ADAT3: variants seen among roughly 807,000 people sequenced by gnomAD.
The protein encoded by ADAT3 is tRNA-specific adenosine-34 deaminase regulatory subunit ADAT3.
A neutral mutation model predicts 3.5 loss-of-function variants in ADAT3; 2 were observed. The ratio of observed to expected loss-of-function variants is 0.57; its 90% CI spans 0.23 to 1.79. The LOEUF is 1.79. Among genes scored for constraint, ADAT3 ranks in the 40% most tolerant of loss-of-function variants. ADAT3 has a pLI of 0.18. For synonymous variants in ADAT3, 358 were observed against 270.3 expected (o/e 1.32, Z -3.18); for missense variants, 735 against 571.4 (o/e 1.29, Z -2.92).
intron 1 of ADAT3, chr19:1,906,219 G>C (rs1384127159): frequency 1.3e-5 from 2 of 152,162 alleles, no homozygotes; most frequent in Non-Finnish European, 2.9e-5. Context: ...AATTAGCTGG[G>C]CGTGGTGTCA....
intron 1 of ADAT3, chr19:1,907,043 C>G (rs1382394916): frequency 6.6e-6 from 1 of 151,694 alleles, no homozygotes; most frequent in East Asian, 1.9e-4. Context: ...AAAAATTAGC[C>G]AGGCATAGTG....
At position 1,912,022 on chromosome 19, in the gene ADAT3, C is replaced by G. The variant is rs1032285256; in HGVS notation, c.-26C>G. ...GCCTCCCGGGACGGACTCCCCGGCT[C>G]TCCCCCAGCCGCCCGCAGCCGCCGG... On this transcript the variant is annotated 5_prime_UTR_variant, in exon 2 of 2. Transcript: ENST00000329478. 1 of 1,418,664 alleles carries G rather than the reference C, an allele frequency of 7.0e-7. No individual in the cohort carries two copies. Among genetic ancestry groups the G allele is most frequent in the Non-Finnish European group, 9.1e-7 (1 of 1,092,976 alleles). 87.9% of individuals were successfully genotyped at this position (1,418,664 alleles called of 1,614,324 possible).
At position 1,912,772 on chromosome 19, in the gene ADAT3, T is replaced by C; in HGVS notation, c.725T>C (p.Met242Thr). The change falls in exon 2 of 2, where the codon ATG becomes ACG. Residue 242 changes from methionine to threonine, a missense_variant. Transcript: ENST00000329478. ...GACAACCCCCTCCTGCACGCCGTCA[T>C]GGTGTGCGTGGACCTCGTGGCGCGC... ...CADNPLLHAV[M>T]VCVDLVARGQ... is the part of the protein sequence containing the mutation. The C allele has an allele frequency of 6.4e-7, 1 of 1,565,804 alleles. No homozygotes were observed. The highest frequency in any genetic ancestry group is 8.6e-7 in the Non-Finnish European group (1 of 1,163,988).
Position 1,908,825 on chromosome 19 carries a change from T to C in ADAT3, c.-158-3065T>C, listed in dbSNP as rs1249745404. ...ATTTATACTTTTAAGCAATGTGGGC[T>C]GGGCACGGTGGCTCACACCTGTAAT... On this transcript the variant is annotated intron_variant, in intron 1 of 1. Transcript: ENST00000329478. The surrounding 1 kb of genome is among the most constrained non-coding windows in gnomAD (Gnocchi z 4.2). 1.3e-5 allele frequency among the ~76,000 whole-genome samples: 2 copies of C among 152,094 alleles called. No homozygotes were observed. Among genetic ancestry groups the C allele is most frequent in the Admixed American group, 1.3e-4 (2 of 15,262 alleles).
intron 1 of ADAT3, 180 bp downstream of exon 1, chr19:1,905,619 G>GGCGCGAATGCGCGTGC (rs2013064364): frequency 6.1e-6 from 1 of 163,578 alleles, no homozygotes; most frequent in African/African-American, 2.5e-5. Flanking sequence ...GCGGGGAGGC[G>GGCGCGAATGCGCGTGC]GCGCGAATGC....
At chr19:1,906,337 G>A (rs746284987) in intron 1 of ADAT3, 5 of 151,782 alleles carry the variant, frequency 3.3e-5, no homozygotes, top group African/African-American at 4.8e-5. Context: ...TCCAGGCTGA[G>A]CAAGCTAGCA....
In ADAT3 at chr19:1,912,380, C is replaced by T. The variant is rs1237219815; in HGVS notation, c.333C>T (p.Cys111=). ...CCCACGCCCTGGAGATGCTGCTTTG[C>T]CTGGCTGGGCCGGCCTCGGGCCCGC... The part of the protein sequence containing the change: ...GSPHALEMLL[C]LAGPASGPRS... The change falls in exon 2 of 2, where the codon TGC becomes TGT. Residue 111 remains cysteine (C), a synonymous_variant. Coordinates refer to ENST00000329478, the MANE Select transcript of ADAT3 (RefSeq NM_138422.4). 1.3e-6 allele frequency: 2 copies of T among 1,521,196 alleles called. No individual in the cohort carries two copies. Among genetic ancestry groups the T allele is most frequent in the African/African-American group, 1.4e-5 (1 of 70,004 alleles). The allele number at this position is 1,521,196 out of a possible 1,614,324, so 94.2% of individuals were successfully genotyped here. A position where few individuals can be genotyped will look rare whatever the true frequency, so the allele number is the denominator to read the frequency against.
Position 1,908,645 on chromosome 19 carries a change from T to G in ADAT3, c.-159+3206T>G. 1 of 450,316 alleles carries G rather than the reference T, an allele frequency of 2.2e-6. No homozygotes were observed. The allele number at this position is 450,316 out of a possible 1,614,324, so 27.9% of individuals were successfully genotyped here. On this transcript the variant is annotated intron_variant, in intron 1 of 1. Transcript: ENST00000329478. The surrounding 1 kb of genome is among the most constrained non-coding windows in gnomAD (Gnocchi z 4.2). ...AACTGTGAGCACACAGGTAGTAAGG[T>G]TTTTAGGATTTTATTATTATTTATT... is the stretch of plus-strand genomic sequence containing the variant.
chr19:1,905,904 T>C (rs189365535), intron 1 of ADAT3: 4 of 152,286 alleles, frequency 2.6e-5, no homozygotes, highest in Non-Finnish European at 5.9e-5. Flanking sequence ...ATCCCCAGAA[T>C]TGACCATCGT....
chr19:1,909,398 G>A lies in ADAT3; in HGVS notation c.-158-2492G>A, dbSNP rs2013316474. Among the ~76,000 whole-genome samples, 4 of 152,288 alleles carry A rather than the reference G, an allele frequency of 2.6e-5. No individual in the cohort carries two copies. In the South Asian group the frequency reaches 8.3e-4, roughly 32 times the overall value. On this transcript the variant is annotated intron_variant, in intron 1 of 1. Transcript: ENST00000329478. ...TAATGGGCGGATCCCGAGAGCTGGG[G>A]GCCCCACCAGCCCTTCCTCTCCAGT...
chr19:1,907,229 C>G (rs947301211), intron 1 of ADAT3: 1 of 151,342 alleles, frequency 6.6e-6, no homozygotes, highest in Non-Finnish European at 1.5e-5. Context: ...TGCCCTGGAA[C>G]TGAGCATTAG....
In ADAT3 at chr19:1,911,562, C is replaced by T. The variant is rs192209722; in HGVS notation, c.-158-328C>T. Among the ~76,000 whole-genome samples, 58 of 152,310 alleles carry T rather than the reference C, an allele frequency of 3.8e-4. 2 individuals are homozygous for T. In the East Asian group the frequency reaches 7.7e-3, roughly 20 times the overall value. ...CCACCAGGTTGAAGCGGGTGGATCA[C>T]GTGAGGTTAGGAGTTCGAGACCAGC... is the stretch of plus-strand genomic sequence containing the variant. On this transcript the variant is annotated intron_variant, in intron 1 of 1. Transcript: ENST00000329478.
At chr19:1,911,534 C>T (rs1040044988) in intron 1 of ADAT3, among the ~76,000 whole-genome samples, 1 of 152,132 alleles carries the variant, frequency 6.6e-6, no homozygotes, top group African/African-American at 2.4e-5. Context: ...ACCTGTAATC[C>T]CACCACCAGG....
At chr19:1,911,103 C>T (rs1418801812) in intron 1 of ADAT3, among the ~76,000 whole-genome samples, 2 of 151,942 alleles carry the variant, frequency 1.3e-5, no homozygotes, top group African/African-American at 2.4e-5. Flanking sequence ...TCTTGATCTC[C>T]TGACCTTGTG....
At chr19:1,906,713 G>A (rs1466522053) in intron 1 of ADAT3, 1 of 152,062 alleles carries the variant, frequency 6.6e-6, no homozygotes, top group Non-Finnish European at 1.5e-5. Context: ...CAGGCATGGT[G>A]GTGGACGCCT....
Position 1,912,717 on chromosome 19 carries a change from C to A in ADAT3, c.670C>A (p.Leu224Met). ...VVVDPASDRV[L>M]ATGHDCSCAD... ...AGTGGACCCGGCCTCGGACCGCGTG[C>A]TGGCCACCGGCCACGACTGCAGCTG... is the stretch of plus-strand genomic sequence containing the variant. Residue 224 changes from leucine (L) to methionine (M), a missense_variant, in exon 2 of 2, where the codon CTG becomes ATG. Transcript: ENST00000329478. 6.6e-7 allele frequency: 1 copy of A among 1,516,946 alleles called. No homozygotes were observed. The highest frequency in any genetic ancestry group is 8.8e-7 in the Non-Finnish European group (1 of 1,140,034). 94.0% of individuals were successfully genotyped at this position (1,516,946 alleles called of 1,614,324 possible).
Position 1,912,220 on chromosome 19 carries a change from T to C in ADAT3, c.173T>C (p.Leu58Pro). The C allele has an allele frequency of 6.3e-7, 1 of 1,594,678 alleles. No individual in the cohort carries two copies. The part of the protein sequence containing the change: ...LSEKQSGDVE[L>P]VLAYAAPVLD... ...GAGAAGCAGTCAGGGGACGTGGAGC[T>C]GGTGCTGGCCTACGCCGCGCCCGTC... The change falls in exon 2 of 2, where the codon CTG becomes CCG. Residue 58 changes from leucine to proline, a missense_variant. Physicochemically the swap from Leu to Pro is moderately conservative, Grantham distance 98. Coordinates refer to ENST00000329478, the MANE Select transcript of ADAT3 (RefSeq NM_138422.4).
intron 1 of ADAT3, chr19:1,907,963 A>G (rs2013224302): frequency 6.5e-6 from 1 of 154,432 alleles, no homozygotes; most frequent in South Asian, 2.0e-4. Flanking sequence ...CCTGCCCTCC[A>G]AGGGCGCGGC....
At chr19:1,911,846 T>C in intron 1 of ADAT3, 44 bp from the exon 2 acceptor site, 1 of 481,838 alleles carries the variant, frequency 2.1e-6, no homozygotes, top group Non-Finnish European at 3.4e-6. Context: ...AATTATATCT[T>C]CGTTTTTAAA....
Sources: gnomAD v4.1 joint callset for allele counts (sites outside exome capture counted in the v4.1 genomes callset) on GRCh38, gnomAD v4.1.1 for gene constraint, Gnocchi (gnomAD v3.1) non-coding constraint, MANE v1.5 for transcripts, NCBI Gene and HGNC (gene_info 2026-07-23, HGNC 2026-07-21) for gene names.